Variants in COL19A1 observed in about 807,000 individuals in gnomAD.
COL19A1 encodes the protein collagen alpha-1(XIX) chain.
Under a neutral mutation model 190.2 loss-of-function variants are expected in COL19A1, and 159 were observed. The observed-to-expected ratio is 0.84, with a 90% CI of 0.73 to 0.95. The LOEUF (loss-of-function observed/expected upper bound fraction) is 0.95, where lower values mean the gene tolerates loss of function less well. Among genes scored for constraint, COL19A1 ranks in the 40% least tolerant of loss-of-function variants. COL19A1 has a pLI of 0.00. For missense variants in COL19A1, 1,418 were observed against 1,431.9 expected, an observed-to-expected ratio of 0.99 and a Z score of 0.16; for synonymous variants, 509 against 458.9, an observed-to-expected ratio of 1.11 and a Z score of -1.39.
chr6:69,986,444 G>A lies in COL19A1; in HGVS notation c.1026+23574G>A, dbSNP rs116632654. Among the ~76,000 whole-genome samples the A allele has an allele frequency of 8.4e-3, 1,282 of 152,026 alleles. 23 individuals carry two copies. Among genetic ancestry groups the A allele is most frequent in the African/African-American group, 0.029 (1,200 of 41,472 alleles). ...GAAAAACCACCTACATCACAATCTC[G>A]TGGGTGCTTAAAATGCCTGTTTCTG... On this transcript the variant is annotated intron_variant, in intron 11 of 50. Coordinates refer to ENST00000620364, the MANE Select transcript of COL19A1 (RefSeq NM_001858.6).
chr6:70,103,730 A>G (rs1489409486), intron 16 of COL19A1, among the ~76,000 whole-genome samples: 1 of 152,150 alleles, frequency 6.6e-6, no homozygotes, highest in Non-Finnish European at 1.5e-5. Flanking sequence ...TCAGCATTTG[A>G]GGTTTCCTCC....
At chr6:69,929,733 A>G in intron 6 of COL19A1, 33 bp downstream of exon 6, 4 of 1,543,794 alleles carry the variant, frequency 2.6e-6, no homozygotes, top group Non-Finnish European at 3.5e-6. Context: ...AAAGAGAACT[A>G]AAATTTCTAA....
At chr6:70,120,418 C>T (rs1020967039) in intron 16 of COL19A1, among the ~76,000 whole-genome samples, 20 of 152,156 alleles carry the variant, frequency 1.3e-4, no homozygotes, top group African/African-American at 4.6e-4. Flanking sequence ...TATGGAACTT[C>T]ATGTCTCCTG....
intron 14 of COL19A1, among the ~76,000 whole-genome samples, chr6:70,064,878 T>C (rs908999753): frequency 2.6e-5 from 4 of 151,980 alleles, no homozygotes; most frequent in African/African-American, 9.7e-5. Context: ...CAGAATAAAA[T>C]ACCTAGGAAT....
At chr6:70,120,148 T>C (rs938608605) in intron 16 of COL19A1, among the ~76,000 whole-genome samples, 2 of 152,178 alleles carry the variant, frequency 1.3e-5, no homozygotes, top group African/African-American at 2.4e-5. Flanking sequence ...GCTACTCTAT[T>C]TGGGAGACTG....
At chr6:69,997,038 G>A in intron 11 of COL19A1, among the ~76,000 whole-genome samples, 1 of 148,634 alleles carries the variant, frequency 6.7e-6, no homozygotes, top group South Asian at 2.1e-4. Flanking sequence ...GAGAGAGAGA[G>A]AGAGAGAGAG....
chr6:69,929,994 A>G (rs935882671), intron 6 of COL19A1, among the ~76,000 whole-genome samples: 5 of 152,212 alleles, frequency 3.3e-5, no homozygotes, highest in Non-Finnish European at 7.4e-5. Context: ...AAAATATGAT[A>G]CAAAATATAA....
chr6:70,200,929 T>C (rs924700690), intron 49 of COL19A1, among the ~76,000 whole-genome samples: 6 of 152,170 alleles, frequency 3.9e-5, no homozygotes, highest in Non-Finnish European at 7.4e-5. Flanking sequence ...TCCACCATTA[T>C]CTTTAGATTA....
At position 69,927,889 on chromosome 6, in the gene COL19A1, T is replaced by C; in HGVS notation, c.267-20T>C. 6.3e-7 allele frequency: 1 copy of C among 1,584,506 alleles called. No individual in the cohort carries two copies. The highest frequency in any genetic ancestry group is 8.6e-7 in the Non-Finnish European group (1 of 1,161,308). Reference sequence around the variant, plus strand: ...CAATCTCCAGTTTCCCCACAAAAGTTCTTTGTTTTCCTCCCACAGTAAGAT... The same window carrying C: ...CAATCTCCAGTTTCCCCACAAAAGTCCTTTGTTTTCCTCCCACAGTAAGAT... On this transcript the variant is annotated intron_variant, in intron 4 of 50. Coordinates refer to ENST00000620364, the MANE Select transcript of COL19A1 (RefSeq NM_001858.6).
intron 4 of COL19A1, among the ~76,000 whole-genome samples, chr6:69,907,706 T>C (rs1770654472): frequency 6.6e-6 from 1 of 152,212 alleles, no homozygotes; most frequent in South Asian, 2.1e-4. Context: ...TAGTTTACTG[T>C]ATAATTTTCA....
chr6:70,126,272 A>G (rs764474451), intron 17 of COL19A1, among the ~76,000 whole-genome samples: 1 of 152,184 alleles, frequency 6.6e-6, no homozygotes. Context: ...CCAAAATCCA[A>G]TAGACAAGGC....
At chr6:70,097,768 G>A in intron 15 of COL19A1, among the ~76,000 whole-genome samples, 1 of 152,126 alleles carries the variant, frequency 6.6e-6, no homozygotes, top group East Asian at 1.9e-4. Flanking sequence ...TCAGGAAAAT[G>A]TTGGATTAGC....
intron 12 of COL19A1, among the ~76,000 whole-genome samples, chr6:70,027,059 T>A (rs2150109352): frequency 6.6e-6 from 1 of 152,244 alleles, no homozygotes; most frequent in African/African-American, 2.4e-5. Context: ...TAATGGCTAT[T>A]TTGATTTGAA....
intron 4 of COL19A1, among the ~76,000 whole-genome samples, chr6:69,921,397 TATATC>T (rs1473149056): frequency 8.9e-5 from 10 of 112,662 alleles, no homozygotes; most frequent in Non-Finnish European, 1.7e-4. Flanking sequence ...ATATATATCA[TATATC>T]ATATATATCA....
intron 4 of COL19A1, among the ~76,000 whole-genome samples, chr6:69,909,008 T>G (rs1057138727): frequency 2.0e-5 from 3 of 152,280 alleles, no homozygotes; most frequent in Middle Eastern, 3.4e-3. Context: ...ATAAATCTAT[T>G]TATACATTTA....
chr6:70,201,385 C>T (rs886802086), intron 49 of COL19A1, among the ~76,000 whole-genome samples: 6 of 152,136 alleles, frequency 3.9e-5, no homozygotes, highest in African/African-American at 1.4e-4. Flanking sequence ...TGGAAACAAG[C>T]CTTCTGTTCA....
At chr6:70,061,594 A>G (rs891711635) in intron 14 of COL19A1, among the ~76,000 whole-genome samples, 1 of 152,156 alleles carries the variant, frequency 6.6e-6, no homozygotes, top group African/African-American at 2.4e-5. Context: ...TGCATTAGGT[A>G]GACTTTGCTA....
intron 23 of COL19A1, among the ~76,000 whole-genome samples, chr6:70,143,281 A>T (rs779177161): frequency 8.5e-5 from 13 of 152,182 alleles, no homozygotes; most frequent in Non-Finnish European, 1.6e-4. Context: ...GGCTAAAAGT[A>T]TGTCTGGAGG....
chr6:69,947,580 T>C (rs1170313321), intron 9 of COL19A1, among the ~76,000 whole-genome samples: 6 of 151,882 alleles, frequency 4.0e-5, no homozygotes, highest in African/African-American at 1.2e-4. Flanking sequence ...GAAAATATGC[T>C]TAGTATAAGT....
Sources: gnomAD v4.1 joint callset for allele counts (sites outside exome capture counted in the v4.1 genomes callset) on GRCh38, gnomAD v4.1.1 for gene constraint, MANE v1.5 for transcripts, NCBI Gene and HGNC (gene_info 2026-07-23, HGNC 2026-07-21) for gene names.